Variants in GRIK2 observed in about 807,000 individuals in gnomAD.
GRIK2 encodes glutamate ionotropic receptor kainate type subunit 2, also known as glutamate receptor ionotropic, kainate 2.
In GRIK2, 32 loss-of-function variants were observed where a neutral mutation model predicts 100.3. The observed-to-expected ratio is 0.32, with a 90% CI of 0.24 to 0.43. The LOEUF (loss-of-function observed/expected upper bound fraction) is 0.43, where lower values mean the gene tolerates loss of function less well. Among genes scored for constraint, GRIK2 ranks in the 20% least tolerant of loss-of-function variants. The probability of loss-of-function intolerance (pLI) is 1.00; values close to 1 mark genes in which losing one functional copy is unlikely to be tolerated. For missense variants in GRIK2, 843 were observed against 1,114.9 expected (o/e 0.76, Z 3.47); for synonymous variants, 417 against 389.4 (o/e 1.07, Z -0.83).
chr6:101,510,673 C>T (rs570445746), intron 2 of GRIK2, among the ~76,000 whole-genome samples: 1 of 151,728 alleles, frequency 6.6e-6, no homozygotes, highest in South Asian at 2.1e-4. Flanking sequence ...CAGGCACCTG[C>T]CACCATGCCC....
intron 2 of GRIK2, among the ~76,000 whole-genome samples, chr6:101,564,296 T>C (rs1281036704): frequency 6.6e-6 from 1 of 152,186 alleles, no homozygotes; most frequent in Non-Finnish European, 1.5e-5. Flanking sequence ...GGGGATGGAA[T>C]GAGTGAGGCT....
intron 11 of GRIK2, among the ~76,000 whole-genome samples, chr6:101,862,660 AG>A (rs1471081108): frequency 1.3e-5 from 2 of 151,992 alleles, no homozygotes; most frequent in African/African-American, 4.8e-5. Flanking sequence ...TTTGGACTCC[AG>A]GGATCCTCCT....
chr6:101,578,684 T>C (rs1777902739), intron 2 of GRIK2, among the ~76,000 whole-genome samples: 3 of 152,236 alleles, frequency 2.0e-5, no homozygotes, highest in Admixed American at 2.0e-4. Context: ...CCTTCCCACC[T>C]TCCCCACCTG....
intron 2 of GRIK2, among the ~76,000 whole-genome samples, chr6:101,509,609 T>G (rs752166876): frequency 3.9e-5 from 6 of 152,170 alleles, no homozygotes; most frequent in Admixed American, 6.5e-5. Context: ...GCCTGGAAAT[T>G]TTCCAGGTAG....
chr6:101,648,425 A>G (rs1054088432), intron 4 of GRIK2, among the ~76,000 whole-genome samples: 10 of 152,134 alleles, frequency 6.6e-5, no homozygotes, highest in African/African-American at 2.4e-4. Context: ...TTTGTATTCT[A>G]TTAATTTAAT....
At chr6:101,857,285 T>C (rs1784474117) in intron 10 of GRIK2, among the ~76,000 whole-genome samples, 1 of 152,096 alleles carries the variant, frequency 6.6e-6, no homozygotes, top group Non-Finnish European at 1.5e-5. Flanking sequence ...AAATGGTCAT[T>C]CTAAAAATCA....
rs150182478 is a variant in GRIK2 at position 101,683,060 on chromosome 6, G to A, written c.777+454G>A. ...TCTACTAAAAATACAAAAATTAGCC[G>A]GGCATGGTGGTGGGTGCCTGTAGTC... On this transcript the variant is annotated intron_variant, in intron 6 of 16. Transcript: ENST00000369134. 9.8e-3 allele frequency among the ~76,000 whole-genome samples: 1,488 copies of A among 152,016 alleles called. 11 individuals carry two copies. Among genetic ancestry groups the A allele is most frequent in the African/African-American group, 0.025 (1,043 of 41,480 alleles).
At chr6:101,618,483 G>A (rs1224092592) in intron 2 of GRIK2, among the ~76,000 whole-genome samples, 5 of 151,466 alleles carry the variant, frequency 3.3e-5, no homozygotes, top group Non-Finnish European at 7.4e-5. Context: ...TTCTATTTAT[G>A]CATTTTTTGC....
intron 14 of GRIK2, among the ~76,000 whole-genome samples, chr6:101,981,452 C>T (rs948349317): frequency 2.1e-4 from 32 of 151,798 alleles, no homozygotes. Flanking sequence ...GCCCAAAGAT[C>T]AACTGAGCAT....
intron 12 of GRIK2, 64 bp from the exon 13 acceptor site, chr6:101,924,537 A>C (rs1453943217): frequency 3.5e-6 from 3 of 845,176 alleles, no homozygotes; most frequent in Non-Finnish European, 4.0e-6. Context: ...GCAGCAAAAA[A>C]TGCTGGATAG....
At chr6:101,494,683 C>CA (rs1223297994) in intron 2 of GRIK2, among the ~76,000 whole-genome samples, 5 of 151,588 alleles carry the variant, frequency 3.3e-5, no homozygotes, top group African/African-American at 1.2e-4. Context: ...GTAATCCCAG[C>CA]ACTTTGGGAG....
At chr6:101,423,962 A>C (rs1776549900) in intron 2 of GRIK2, among the ~76,000 whole-genome samples, 1 of 152,176 alleles carries the variant, frequency 6.6e-6, no homozygotes, top group Non-Finnish European at 1.5e-5. Flanking sequence ...ATGGAATGTA[A>C]GGTAGCTGTG....
intron 7 of GRIK2, chr6:101,744,557 T>TATATATCA (rs1776299152): frequency 7.9e-6 from 1 of 126,182 alleles, no homozygotes; most frequent in African/African-American, 3.1e-5. Context: ...TATATATATA[T>TATATATCA]ATCACAATTT....
chr6:101,605,598 G>A (rs1779406243), intron 2 of GRIK2, among the ~76,000 whole-genome samples: 1 of 151,928 alleles, frequency 6.6e-6, no homozygotes, highest in African/African-American at 2.4e-5. Context: ...TAACTACCCT[G>A]GACCCAGGAG....
intron 14 of GRIK2, among the ~76,000 whole-genome samples, chr6:102,033,516 T>A (rs1033382265): frequency 1.3e-5 from 2 of 151,316 alleles, no homozygotes; most frequent in African/African-American, 2.4e-5. Context: ...CTACTTTTTT[T>A]AAACCCATGT....
intron 14 of GRIK2, among the ~76,000 whole-genome samples, chr6:102,019,879 T>C (rs915176748): frequency 9.2e-5 from 14 of 152,050 alleles, no homozygotes; most frequent in Admixed American, 3.9e-4. Flanking sequence ...CTATTTCATA[T>C]TTACTTAGTG....
At chr6:101,951,937 G>A (rs752439741) in intron 14 of GRIK2, among the ~76,000 whole-genome samples, 4 of 152,148 alleles carry the variant, frequency 2.6e-5, no homozygotes, top group Non-Finnish European at 4.4e-5. Flanking sequence ...GTCCCACAAT[G>A]TAATATCATG....
intron 2 of GRIK2, among the ~76,000 whole-genome samples, chr6:101,485,932 TA>T (rs1772799074): frequency 6.6e-6 from 1 of 150,900 alleles, no homozygotes; most frequent in Non-Finnish European, 1.5e-5. Context: ...TTTTTTTTAG[TA>T]AAACAGCTTT....
chr6:101,670,588 G>C (rs995048077), intron 4 of GRIK2, among the ~76,000 whole-genome samples: 24 of 152,198 alleles, frequency 1.6e-4, no homozygotes, highest in African/African-American at 5.5e-4. Flanking sequence ...CTATTTTGGG[G>C]TCAGCTGAGC....
Sources: allele counts gnomAD v4.1 joint callset (sites outside exome capture counted in the v4.1 genomes callset), GRCh38; gene constraint gnomAD v4.1.1; transcripts MANE v1.5; gene names NCBI Gene and HGNC (gene_info 2026-07-23, HGNC 2026-07-21).